Variants in ABCA2 observed in about 807,000 individuals in gnomAD.
The protein encoded by ABCA2 is ATP binding cassette subfamily A member 2.
In ABCA2, 84 loss-of-function variants were observed where a neutral mutation model predicts 262.8. The observed-to-expected ratio is 0.32, with a 90% CI of 0.27 to 0.38. ABCA2 has a LOEUF of 0.38. ABCA2 is among the 10% of genes least tolerant of loss of function. ABCA2 has a pLI of 1.00. For missense variants in ABCA2, 2,662 were observed against 3,405.9 expected, an observed-to-expected ratio of 0.78 and a Z score of 5.44; for synonymous variants, 1,696 against 1,502.9, an observed-to-expected ratio of 1.13 and a Z score of -2.97.
At position 137,013,060 on chromosome 9, in the gene ABCA2, C is replaced by A; in HGVS notation, c.4809G>T (p.Ala1603=). Residue 1603 remains alanine (A), a synonymous_variant, in exon 30 of 49, where the codon GCG becomes GCT. Coordinates refer to ENST00000341511, the MANE Select transcript of ABCA2 (RefSeq NM_001606.5). ...PPSPAPSDSP[A]SPDEDLQAWN... The stretch of plus-strand genomic sequence containing the variant: ...AGGCCTGCAGGTCCTCATCCGGGGA[C>A]GCTGGCGAGTCAGATGGGGCGGGCG... 1 of 1,468,336 alleles carries A rather than the reference C, an allele frequency of 6.8e-7. No individual in the cohort carries two copies. Among genetic ancestry groups the A allele is most frequent in the Non-Finnish European group, 9.1e-7 (1 of 1,098,934 alleles). 91.0% of individuals were successfully genotyped at this position (1,468,336 alleles called of 1,614,324 possible).
At chr9:137,012,676 G>GGCCACCA in intron 31 of ABCA2, 36 bp downstream of exon 31, 1 of 1,610,774 alleles carries the variant, frequency 6.2e-7, no homozygotes, top group Non-Finnish European at 8.5e-7. Context: ...GCTGGTGGCC[G>GGCCACCA]GCCACCCTCA....
Position 137,017,682 on chromosome 9 carries a change from G to A in ABCA2, c.2222C>T (p.Thr741Ile). The change falls in exon 17 of 49, where the codon ACC becomes ATC. Residue 741 changes from threonine (T) to isoleucine (I), a missense_variant. Physicochemically the swap from Thr to Ile is moderately conservative, Grantham distance 89. This residue lies in a region of ABCA2 where 188 missense variants were observed against 343.4 expected (regional missense o/e 0.55). Transcript: ENST00000341511. ...KEHRLKEVMKTMGLNNAVHWV... is the reference protein window; with the variant it reads ...KEHRLKEVMKIMGLNNAVHWV... Reference sequence around the variant, plus strand: ...GTGCACCGCGTTGTTCAGGCCCATGGTCTTCATCACCTGCGGGTGGGCCAG... The same window carrying A: ...GTGCACCGCGTTGTTCAGGCCCATGATCTTCATCACCTGCGGGTGGGCCAG... 1 of 1,608,804 alleles carries A rather than the reference G, an allele frequency of 6.2e-7. No homozygotes were observed. Among genetic ancestry groups the A allele is most frequent in the Non-Finnish European group, 8.5e-7 (1 of 1,176,658 alleles).
chr9:137,020,389 G>A lies in ABCA2; in HGVS notation c.1372C>T (p.Pro458Ser). The change falls in exon 10 of 49, where the codon CCC becomes TCC. Residue 458 changes from proline (P) to serine (S), a missense_variant. Coordinates refer to ENST00000341511, the MANE Select transcript of ABCA2 (RefSeq NM_001606.5). ...GLLVHLMTSN[P>S]KILYAPAGSE... ...CCCGCAGGCGCGTACAGGATTTTGG[G>A]GTTGCTGGTCATGAGGTGCACGAGG... 6.2e-7 allele frequency: 1 copy of A among 1,613,158 alleles called. No individual in the cohort carries two copies. The highest frequency in any genetic ancestry group is 1.1e-5 in the South Asian group (1 of 91,088).
chr9:137,015,787 C>T lies in ABCA2; in HGVS notation c.3402G>A (p.Val1134=), dbSNP rs987627597. ...GAGAGCCGCCCACGAAGGCGATGGC[C>T]ACGGACAGCTTGCGCTTCATGCCAC... The part of the protein sequence containing the change: ...LSGGMKRKLS[V]AIAFVGGSRA... The change falls in exon 23 of 49, where the codon GTG becomes GTA. Residue 1134 remains valine, a synonymous_variant. Transcript: ENST00000341511. The T allele has an allele frequency of 1.2e-6, 2 of 1,612,322 alleles. No homozygotes were observed. Among genetic ancestry groups the T allele is most frequent in the African/African-American group, 1.3e-5 (1 of 74,936 alleles).
At chr9:137,023,649 C>A (rs1025180456) in intron 3 of ABCA2, 189 bp downstream of exon 3, 8 of 684,028 alleles carry the variant, frequency 1.2e-5, no homozygotes, top group African/African-American at 1.1e-4. Flanking sequence ...GGTGGCCGGG[C>A]CTTTCACTCC....
Position 137,017,669 on chromosome 9 carries a change from G to T in ABCA2, c.2235C>A (p.Asn745Lys). Reference protein sequence around the residue: ...LKEVMKTMGLNNAVHWVAWFI... With the variant: ...LKEVMKTMGLKNAVHWVAWFI... ...ACCAGGCCACCCAGTGCACCGCGTTGTTCAGGCCCATGGTCTTCATCACCT... is the reference window on the plus strand; with the variant it reads ...ACCAGGCCACCCAGTGCACCGCGTTTTTCAGGCCCATGGTCTTCATCACCT... The change falls in exon 17 of 49, where the codon AAC becomes AAA. Residue 745 changes from asparagine to lysine, a missense_variant. Around this residue, in one of 12 missense-constraint regions of ABCA2, gnomAD observed 188 missense variants for 343.4 expected, o/e 0.55. Transcript: ENST00000341511. The T allele has an allele frequency of 6.2e-7, 1 of 1,611,362 alleles. No homozygotes were observed. The highest frequency in any genetic ancestry group is 2.2e-5 in the East Asian group (1 of 44,816).
Position 137,012,145 on chromosome 9 carries a change from G to A in ABCA2, c.5317C>T (p.His1773Tyr), listed in dbSNP as rs1363500381. 2 of 1,612,400 alleles carry A rather than the reference G, an allele frequency of 1.2e-6. No homozygotes were observed. Among genetic ancestry groups the A allele is most frequent in the African/African-American group, 2.7e-5 (2 of 74,888 alleles). Residue 1773 changes from histidine (H) to tyrosine (Y), a missense_variant, in exon 34 of 49, where the codon CAC (histidine) becomes TAC (tyrosine). Coordinates refer to ENST00000341511, the MANE Select transcript of ABCA2 (RefSeq NM_001606.5). ...PAAYGITVTN[H>Y]PMNKTSASLS... Reference sequence around the variant, plus strand: ...CTGGCGCTGGTCTTATTCATGGGGTGGTTGGTGACGGTGATGCCTGCACAC... The same window carrying A: ...CTGGCGCTGGTCTTATTCATGGGGTAGTTGGTGACGGTGATGCCTGCACAC...
chr9:137,010,944 G>A (rs764940469), intron 39 of ABCA2, 29 bp downstream of exon 39: 16 of 266,426 alleles, frequency 6.0e-5, no homozygotes, highest in African/African-American at 1.4e-4. Context: ...CTCCCGCCCC[G>A]CCCCCGCCCC....
At position 137,013,956 on chromosome 9, in the gene ABCA2, G is replaced by A. The variant is rs1404096607; in HGVS notation, c.4323C>T (p.His1441=). Residue 1441 remains histidine, a synonymous_variant, in exon 28 of 49, where the codon CAC becomes CAT. Transcript: ENST00000341511. Reference sequence around the variant, plus strand: ...AGTGGAAGCGTTTGACCAGCAGCCCGTGGAACTGGCGCACCTTCAGCCACC... The same window carrying A: ...AGTGGAAGCGTTTGACCAGCAGCCCATGGAACTGGCGCACCTTCAGCCACC... ...DGGWLKVRQF[H]GLLVKRFHCA... The A allele has an allele frequency of 3.0e-5, 48 of 1,612,024 alleles. No homozygotes were observed. The highest frequency in any genetic ancestry group is 3.6e-5 in the Non-Finnish European group (43 of 1,179,900).
Position 137,021,728 on chromosome 9 carries a change from G to T in ABCA2, c.679-118C>A. On this transcript the variant is annotated intron_variant, in intron 7 of 48. Coordinates refer to ENST00000341511, the MANE Select transcript of ABCA2 (RefSeq NM_001606.5). The surrounding 1 kb of genome is among the most constrained non-coding windows in gnomAD (Gnocchi z 6.0). ...GGCTCTGGGGCTGCCTGGGTCCCAC[G>T]ACATGCCTCTACCCCTCATGCCTGC... The T allele has an allele frequency of 1.6e-6, 2 of 1,263,258 alleles. No individual in the cohort carries two copies. The highest frequency in any genetic ancestry group is 2.2e-6 in the Non-Finnish European group (2 of 907,470). 78.3% of individuals were successfully genotyped at this position (1,263,258 alleles called of 1,614,324 possible).
At chr9:137,028,306 C>T (rs1214759008), upstream of ABCA2, 1 of 970,204 alleles carries the variant, frequency 1.0e-6, no homozygotes, top group Non-Finnish European at 1.2e-6. This position sits in a 1 kb window ranked among gnomAD's most constrained non-coding sequence, Gnocchi z 6.9. Context: ...GCGGCGACAG[C>T]GACTCTGCCC....
At position 137,028,012 on chromosome 9, in the gene ABCA2, G is replaced by GC; in HGVS notation, c.66+62dup. 3 of 905,552 alleles carry GC rather than the reference G, an allele frequency of 3.3e-6. No individual in the cohort carries two copies. In the South Asian group the frequency reaches 1.5e-4, roughly 44 times the overall value. 56.1% of individuals were successfully genotyped at this position (905,552 alleles called of 1,614,324 possible). ...GGCCGTCCGCACGTGCGCGCGGGGAGCGCGCCTCTGGCCGCGGTGCGCGCG... is the reference window on the plus strand; with the variant it reads ...GGCCGTCCGCACGTGCGCGCGGGGAGCCGCGCCTCTGGCCGCGGTGCGCGCG... On this transcript the variant is annotated intron_variant, in intron 1 of 48. Coordinates refer to ENST00000341511, the MANE Select transcript of ABCA2 (RefSeq NM_001606.5). The surrounding 1 kb of genome is among the most constrained non-coding windows in gnomAD (Gnocchi z 6.9).
chr9:137,016,768 A>T (rs1554736899), intron 19 of ABCA2, 30 bp from the exon 20 acceptor site: 1 of 1,540,256 alleles, frequency 6.5e-7, no homozygotes, highest in Non-Finnish European at 8.7e-7. Context: ...GGGGAGGCTG[A>T]CCTAGGGCCT....
Position 137,021,941 on chromosome 9 carries a change from C to T in ABCA2, c.628G>A (p.Gly210Ser). The T allele has an allele frequency of 6.2e-7, 1 of 1,605,756 alleles. No individual in the cohort carries two copies. Among genetic ancestry groups the T allele is most frequent in the Non-Finnish European group, 8.5e-7 (1 of 1,177,250 alleles). ...CCTAGGCGGCTCCAGGGCTCCTGAC[C>T]CTTGTGGAGGCCAGACTGTGAATCC... is the stretch of plus-strand genomic sequence containing the variant. The part of the protein sequence containing the change: ...ALDSQSGLHK[G>S]QEPWSRLGGN... The change falls in exon 7 of 49, where the codon GGT becomes AGT. Residue 210 changes from glycine (G) to serine (S), a missense_variant. Around this residue, in one of 12 missense-constraint regions of ABCA2, gnomAD observed 403 missense variants for 375.9 expected, o/e 1.07. Transcript: ENST00000341511. The surrounding 1 kb of genome is among the most constrained non-coding windows in gnomAD (Gnocchi z 6.0).
In ABCA2 at chr9:137,015,465, C is replaced by T; in HGVS notation, c.3646G>A (p.Gly1216Arg). The T allele has an allele frequency of 6.3e-7, 1 of 1,594,748 alleles. No individual in the cohort carries two copies. The highest frequency in any genetic ancestry group is 8.5e-7 in the Non-Finnish European group (1 of 1,172,442). Reference protein sequence around the residue: ...PLFLKGTYGDGYRLTLVKRPA... With the variant: ...PLFLKGTYGDRYRLTLVKRPA... ...CGCTTGACCAGCGTGAGGCGGTACC[C>T]GTCGCCATAGGTGCCCTTGAGGAAG... is the stretch of plus-strand genomic sequence containing the variant. Residue 1216 changes from glycine (G) to arginine (R), a missense_variant, in exon 24 of 49, where the codon GGG (glycine) becomes AGG (arginine). Gly to Arg is a moderately radical substitution (Grantham distance 125, BLOSUM62 -2). Coordinates refer to ENST00000341511, the MANE Select transcript of ABCA2 (RefSeq NM_001606.5).
intron 26 of ABCA2, 90 bp downstream of exon 26, chr9:137,014,600 G>GC (rs1419705056): frequency 6.6e-7 from 1 of 1,519,612 alleles, no homozygotes; most frequent in Non-Finnish European, 8.9e-7. Flanking sequence ...CCAGGGTGGC[G>GC]CCCCCAGACA....
chr9:137,010,800 A>G, intron 39 of ABCA2, 63 bp from the exon 40 acceptor site: 1 of 1,518,040 alleles, frequency 6.6e-7, no homozygotes, highest in Non-Finnish European at 9.1e-7. Flanking sequence ...CCCTGCCACC[A>G]GCCTCGCATC....
chr9:137,024,313 GC>G, intron 1 of ABCA2, 77 bp from the exon 2 acceptor site: 2 of 1,328,944 alleles, frequency 1.5e-6, no homozygotes, highest in Non-Finnish European at 1.0e-6. Context: ...CATAGGGCTG[GC>G]CCAGCCCAGA....
rs371975325 is a variant in ABCA2 at position 137,012,047 on chromosome 9, G to T, written c.5361-29C>A. 31 of 1,612,330 alleles carry T rather than the reference G, an allele frequency of 1.9e-5. No homozygotes were observed. The African/African-American group carries it at 3.6e-4, about 19-fold the overall frequency. Reference sequence around the variant, plus strand: ...GGGCAAGGAAGCCCTCAGTCCTCACGGCCGGGGCTGCAGTGCCCACCTGCC... The same window carrying T: ...GGGCAAGGAAGCCCTCAGTCCTCACTGCCGGGGCTGCAGTGCCCACCTGCC... On this transcript the variant is annotated intron_variant, in intron 34 of 48. Transcript: ENST00000341511.
Sources: gnomAD v4.1 joint callset for allele counts on GRCh38, gnomAD v4.1.1 for gene constraint, gnomAD v4.1.1 regional missense constraint, Gnocchi (gnomAD v3.1) non-coding constraint, MANE v1.5 for transcripts, NCBI Gene and HGNC (gene_info 2026-07-23, HGNC 2026-07-21) for gene names.